Variants in ROBO1 observed in about 807,000 individuals in gnomAD.
ROBO1 encodes roundabout guidance receptor 1.
A neutral mutation model predicts 195.9 loss-of-function variants in ROBO1; 149 were observed. The observed-to-expected ratio is 0.76, with a 90% CI of 0.67 to 0.87. The LOEUF is 0.87. Ranked by LOEUF, ROBO1 falls within the 40% of genes least tolerant of loss-of-function variation. The pLI is 0.00. For synonymous variants in ROBO1, 816 were observed against 733.2 expected (o/e 1.11, Z -1.82); for missense variants, 1,933 against 2,068.3 (o/e 0.93, Z 1.27).
intron 3 of ROBO1, among the ~76,000 whole-genome samples, chr3:78,948,034 G>T (rs993424165): frequency 1.3e-5 from 2 of 152,104 alleles, no homozygotes; most frequent in African/African-American, 4.8e-5. Context: ...ATAATCAATA[G>T]CTTACCAACC....
chr3:78,953,294 T>C (rs1049887395), intron 3 of ROBO1, among the ~76,000 whole-genome samples: 37 of 152,130 alleles, frequency 2.4e-4, no homozygotes, highest in Admixed American at 6.6e-4. Context: ...AGTTCATTCT[T>C]CCTATTTGCC....
At chr3:78,786,273 T>C (rs1230940448) in intron 4 of ROBO1, among the ~76,000 whole-genome samples, 1 of 152,142 alleles carries the variant, frequency 6.6e-6, no homozygotes, top group Non-Finnish European at 1.5e-5. Flanking sequence ...TTATATTATA[T>C]AACCAAGTTT....
At chr3:78,692,001 G>T (rs1314543524) in intron 8 of ROBO1, among the ~76,000 whole-genome samples, 1 of 151,078 alleles carries the variant, frequency 6.6e-6, no homozygotes, top group South Asian at 2.1e-4. Flanking sequence ...GTCTATTTAG[G>T]CATTTTTGTT....
At chr3:79,014,880 C>T (rs1344543312) in intron 3 of ROBO1, among the ~76,000 whole-genome samples, 3 of 152,160 alleles carry the variant, frequency 2.0e-5, no homozygotes, top group African/African-American at 7.2e-5. Flanking sequence ...AATAAAGATT[C>T]AACCACTTAT....
chr3:78,991,224 G>A (rs1447536600), intron 3 of ROBO1, among the ~76,000 whole-genome samples: 2 of 152,100 alleles, frequency 1.3e-5, no homozygotes, highest in Non-Finnish European at 1.5e-5. Context: ...AACAATTGGG[G>A]TAGGAAGATG....
In ROBO1 at chr3:78,915,126, T is replaced by C. The variant is rs116451317; in HGVS notation, c.499+23475A>G. Among the ~76,000 whole-genome samples the C allele has an allele frequency of 7.5e-3, 1,135 of 152,264 alleles. 17 individuals carry two copies. Among genetic ancestry groups the C allele is most frequent in the African/African-American group, 0.024 (980 of 41,560 alleles). ...AAAGTAATGAAACACTATCATCTATTATGACAAAGTCAAATTTAGCCTTTG... is the reference window on the plus strand; with the variant it reads ...AAAGTAATGAAACACTATCATCTATCATGACAAAGTCAAATTTAGCCTTTG... On this transcript the variant is annotated intron_variant, in intron 4 of 30. Coordinates refer to ENST00000464233, the MANE Select transcript of ROBO1 (RefSeq NM_002941.4).
chr3:78,863,308 T>C (rs1191261597), intron 4 of ROBO1, among the ~76,000 whole-genome samples: 1 of 152,200 alleles, frequency 6.6e-6, no homozygotes, highest in Admixed American at 6.5e-5. Flanking sequence ...TAGAACTCTA[T>C]GAGCCTATGA....
intron 3 of ROBO1, among the ~76,000 whole-genome samples, chr3:79,041,616 T>C (rs2078489064): frequency 6.6e-6 from 1 of 152,334 alleles, no homozygotes; most frequent in South Asian, 2.1e-4. Context: ...AAAACTGTAA[T>C]TAAGCTAGCA....
chr3:79,112,625 G>A (rs144172339), intron 3 of ROBO1, among the ~76,000 whole-genome samples: 1 of 152,122 alleles, frequency 6.6e-6, no homozygotes, highest in South Asian at 2.1e-4. Flanking sequence ...GATGAAGCTG[G>A]AAACCATCAT....
intron 2 of ROBO1, among the ~76,000 whole-genome samples, chr3:79,550,414 C>CT (rs1942467720): frequency 6.6e-6 from 1 of 152,094 alleles, no homozygotes; most frequent in Non-Finnish European, 1.5e-5. Context: ...GCCAGGATTA[C>CT]AGAGAATTCT....
chr3:78,982,301 A>G (rs1201227245), intron 3 of ROBO1, among the ~76,000 whole-genome samples: 1 of 152,150 alleles, frequency 6.6e-6, no homozygotes, highest in African/African-American at 2.4e-5. Context: ...TCACTCTCCT[A>G]TGATTTTCCC....
intron 21 of ROBO1, among the ~76,000 whole-genome samples, chr3:78,641,059 A>G (rs1430243077): frequency 2.0e-5 from 3 of 152,184 alleles, no homozygotes; most frequent in African/African-American, 7.2e-5. Flanking sequence ...TAGTTATATA[A>G]TAAAAATAAA....
chr3:78,637,065 CAATGGTAAAAATGT>C (rs1705564288), intron 22 of ROBO1, among the ~76,000 whole-genome samples: 5 of 124,026 alleles, frequency 4.0e-5, no homozygotes, highest in Admixed American at 3.7e-4. Flanking sequence ...AGTTAAATTA[CAATGGTAAAAATGT>C]CATTATTTTA....
At chr3:79,275,654 T>C (rs2108985612) in intron 2 of ROBO1, among the ~76,000 whole-genome samples, 1 of 151,834 alleles carries the variant, frequency 6.6e-6, no homozygotes. Flanking sequence ...GAGAAAGAAA[T>C]ACAGGACATC....
chr3:78,820,683 T>C (rs1437062253), intron 4 of ROBO1, among the ~76,000 whole-genome samples: 1 of 152,208 alleles, frequency 6.6e-6, no homozygotes, highest in Non-Finnish European at 1.5e-5. Flanking sequence ...CTATGCTTGG[T>C]TTCTCATGCC....
chr3:79,428,224 A>AC (rs1385574480), intron 2 of ROBO1, among the ~76,000 whole-genome samples: 2 of 152,154 alleles, frequency 1.3e-5, no homozygotes, highest in Non-Finnish European at 2.9e-5. Flanking sequence ...TATCAGAGAT[A>AC]CCAATAGAGG....
intron 2 of ROBO1, among the ~76,000 whole-genome samples, chr3:79,323,892 G>C (rs533876459): frequency 1.3e-5 from 2 of 152,156 alleles, no homozygotes; most frequent in East Asian, 3.9e-4. Flanking sequence ...CCCGAGTAGT[G>C]TTAATCTGTT....
At position 78,938,794 on chromosome 3, in the gene ROBO1, G is replaced by A. The variant is rs753725709; in HGVS notation, c.306C>T (p.Tyr102=). The change falls in exon 4 of 31, where the codon TAC becomes TAT. Residue 102 remains tyrosine, a synonymous_variant. Coordinates refer to ENST00000464233, the MANE Select transcript of ROBO1 (RefSeq NM_002941.4). ...EGRPTPTIEW[Y]KGGERVETDK... ...CTGTCTCCACTCTCTCTCCCCCTTT[G>A]TACCATTCAATAGTGGGTGTGGGGC... is the stretch of plus-strand genomic sequence containing the variant. 12 of 1,613,830 alleles carry A rather than the reference G, an allele frequency of 7.4e-6. No homozygotes were observed. Among genetic ancestry groups the A allele is most frequent in the South Asian group, 5.5e-5 (5 of 91,086 alleles).
chr3:79,225,158 A>T (rs1359830404), intron 2 of ROBO1, among the ~76,000 whole-genome samples: 1 of 152,104 alleles, frequency 6.6e-6, no homozygotes, highest in Middle Eastern at 3.2e-3. Flanking sequence ...TACATTTAGT[A>T]ATTCTTTGGG....
Sources: gnomAD v4.1 joint callset for allele counts (sites outside exome capture counted in the v4.1 genomes callset) on GRCh38, gnomAD v4.1.1 for gene constraint, MANE v1.5 for transcripts, NCBI Gene and HGNC (gene_info 2026-07-23, HGNC 2026-07-21) for gene names.